The following PADI4 variants were observed in gnomAD, a reference collection of about 807,000 sequenced individuals.
The protein encoded by PADI4 is peptidyl arginine deiminase 4.
Under a neutral mutation model 75.0 loss-of-function variants are expected in PADI4, and 62 were observed. That is an observed-to-expected ratio of 0.83 (90% CI 0.67 to 1.02). PADI4 has a LOEUF of 1.02. Ranked by LOEUF, PADI4 falls within the 50% of genes least tolerant of loss-of-function variation. The pLI is 0.00. For synonymous variants in PADI4, 361 were observed against 348.1 expected (o/e 1.04, Z -0.41); for missense variants, 845 against 850.5 (o/e 0.99, Z 0.08).
At chr1:17,324,060 T>A (rs1370831694) in intron 1 of PADI4, among the ~76,000 whole-genome samples, 1 of 151,938 alleles carries the variant, frequency 6.6e-6, no homozygotes, top group Non-Finnish European at 1.5e-5. Flanking sequence ...ACATGTCTCC[T>A]AGTGAACACA....
chr1:17,359,223 A>AACCCCCCCCCCC, intron 14 of PADI4, 57 bp from the exon 15 acceptor site: 1 of 247,872 alleles, frequency 4.0e-6, no homozygotes, highest in Non-Finnish European at 7.7e-6. Flanking sequence ...ACTGTCCCCC[A>AACCCCCCCCCCC]CCCCCACCCC....
intron 13 of PADI4, among the ~76,000 whole-genome samples, chr1:17,357,464 G>T (rs1171790516): frequency 6.6e-6 from 1 of 152,226 alleles, no homozygotes; most frequent in African/African-American, 2.4e-5. Flanking sequence ...ACCACGCCTG[G>T]CTTAAAACAA....
intron 10 of PADI4, among the ~76,000 whole-genome samples, chr1:17,354,038 G>A (rs953291019): frequency 1.3e-5 from 2 of 151,030 alleles, no homozygotes; most frequent in Non-Finnish European, 2.9e-5. Context: ...TCAGGAATCC[G>A]AGACTAGACT....
At chr1:17,361,372 G>A (rs1304723878) in intron 15 of PADI4, among the ~76,000 whole-genome samples, 3 of 152,264 alleles carry the variant, frequency 2.0e-5, no homozygotes, top group South Asian at 4.1e-4. Context: ...AGTCAGCAAC[G>A]CTGAGGGCTG....
At chr1:17,321,804 G>T (rs1428844917) in intron 1 of PADI4, among the ~76,000 whole-genome samples, 1 of 152,198 alleles carries the variant, frequency 6.6e-6, no homozygotes, top group Non-Finnish European at 1.5e-5. Context: ...CAAAGTTAAG[G>T]ACCCGTGTCT....
chr1:17,359,217 T>TCCCCCCCCCCC, intron 14 of PADI4, 63 bp from the exon 15 acceptor site: 2 of 647,816 alleles, frequency 3.1e-6, no homozygotes, highest in Non-Finnish European at 2.6e-6. Flanking sequence ...CCCCACACTG[T>TCCCCCCCCCCC]CCCCCACCCC....
chr1:17,314,010 T>A (rs979857651), intron 1 of PADI4, among the ~76,000 whole-genome samples: 1 of 152,208 alleles, frequency 6.6e-6, no homozygotes, highest in Admixed American at 6.5e-5. Context: ...AGTTCCCAGC[T>A]GGCCCTTACC....
At position 17,358,879 on chromosome 1, in the gene PADI4, A is replaced by G; in HGVS notation, c.1600A>G (p.Thr534Ala). Residue 534 changes from threonine to alanine, a missense_variant, in exon 14 of 16, where the codon ACA becomes GCA. Thr to Ala is a moderately conservative substitution (Grantham distance 58, BLOSUM62 0). Transcript: ENST00000375448. ...QKIKNILSNKTLREHNSFVER... is the reference protein window; with the variant it reads ...QKIKNILSNKALREHNSFVER... ...AATAAAGAACATTCTGTCAAACAAG[A>G]CATTGAGAGAACATAATTCATTTGT... 6.2e-7 allele frequency: 1 copy of G among 1,608,726 alleles called. No homozygotes were observed. Among genetic ancestry groups the G allele is most frequent in the Non-Finnish European group, 8.5e-7 (1 of 1,176,894 alleles).
intron 1 of PADI4, among the ~76,000 whole-genome samples, chr1:17,320,300 A>G (rs78640205): frequency 0.016 from 2,440 of 152,334 alleles, 34 homozygotes; most frequent in Non-Finnish European, 0.024. Context: ...AAGTGGTCCC[A>G]ATCCAGACCC....
rs2074198025 is a variant in PADI4 at position 17,330,889 on chromosome 1, A to G, written c.93-80A>G. On this transcript the variant is annotated intron_variant, in intron 1 of 15. Coordinates refer to ENST00000375448, the MANE Select transcript of PADI4 (RefSeq NM_012387.3). ...CTGACACCTAATATTAACCATCACA[A>G]GGAGAAATGCTGGGAGAGCCATGGC... The G allele has an allele frequency of 1.9e-5, 17 of 903,730 alleles. No homozygotes were observed. In the South Asian group the frequency reaches 3.1e-4, roughly 17 times the overall value. The allele number at this position is 903,730 out of a possible 1,614,324, so 56.0% of individuals were successfully genotyped here. A position where few individuals can be genotyped will look rare whatever the true frequency, so the allele number is the denominator to read the frequency against.
chr1:17,345,870 A>G (rs1172134675), intron 8 of PADI4, among the ~76,000 whole-genome samples, 158 bp from the exon 9 acceptor site: 2 of 152,180 alleles, frequency 1.3e-5, no homozygotes, highest in Non-Finnish European at 2.9e-5. Flanking sequence ...GATGGATTCC[A>G]TGAGCTAATG....
chr1:17,311,518 CCTT>C (rs1233077641), intron 1 of PADI4, among the ~76,000 whole-genome samples: 4 of 139,546 alleles, frequency 2.9e-5, no homozygotes, highest in Admixed American at 1.5e-4. Context: ...CCCAAAGTCT[CCTT>C]CTTCTTTTTT....
At chr1:17,322,492 C>CA (rs925825815) in intron 1 of PADI4, among the ~76,000 whole-genome samples, 4 of 58,970 alleles carry the variant, frequency 6.8e-5, no homozygotes, top group Non-Finnish European at 7.0e-5. Flanking sequence ...CCATCCCCCC[C>CA]CAAAAAAAAA....
Position 17,331,045 on chromosome 1 carries a change from C to G in PADI4, c.169C>G (p.Pro57Ala), listed in dbSNP as rs868374114. 2 of 1,610,230 alleles carry G rather than the reference C, an allele frequency of 1.2e-6. No individual in the cohort carries two copies. The highest frequency in any genetic ancestry group is 1.3e-5 in the African/African-American group (1 of 74,732). Residue 57 changes from proline (P) to alanine (A), a missense_variant, in exon 2 of 16, where the codon CCA (proline) becomes GCA (alanine). Coordinates refer to ENST00000375448, the MANE Select transcript of PADI4 (RefSeq NM_012387.3). ...GGTCGTGGATATTGCCCACGGCCCT[C>G]CAGCCAAGAAGAAATCCACAGGTTC... The part of the protein sequence containing the change: ...GVVVDIAHGP[P>A]AKKKSTGSST...
At chr1:17,360,448 C>T (rs1191675235) in intron 15 of PADI4, among the ~76,000 whole-genome samples, 1 of 152,118 alleles carries the variant, frequency 6.6e-6, no homozygotes, top group African/African-American at 2.4e-5. Context: ...ACATCTGGTT[C>T]CTGTTAGCAT....
chr1:17,348,569 G>A (rs953107274), intron 10 of PADI4, among the ~76,000 whole-genome samples: 10 of 152,178 alleles, frequency 6.6e-5, no homozygotes, highest in African/African-American at 2.4e-4. Flanking sequence ...TGACTAGCCT[G>A]GCAGGTTGAT....
rs772912664 is a variant in PADI4 at position 17,308,313 on chromosome 1, A to G, written c.91A>G (p.Ser31Gly). 1 of 1,612,906 alleles carries G rather than the reference A, an allele frequency of 6.2e-7. No individual in the cohort carries two copies. Among genetic ancestry groups the G allele is most frequent in the Non-Finnish European group, 8.5e-7 (1 of 1,179,018 alleles). ...LGTLTQLDIC[S>G]SAPEDCTSFS... ...CACCTTGACTCAGCTTGACATCTGC[A>G]GGTAAGAGGGGGGCCTTCTGGGGTT... The change falls in exon 1 of 16, where the codon AGC becomes GGC. Residue 31 changes from serine (S) to glycine (G), a missense_variant and splice_region_variant. Transcript: ENST00000375448.
chr1:17,355,743 T>C (rs1472618176), intron 11 of PADI4, among the ~76,000 whole-genome samples: 1 of 152,226 alleles, frequency 6.6e-6, no homozygotes, highest in African/African-American at 2.4e-5. Context: ...CAGTGCTTTC[T>C]GAGGCTAAGC....
chr1:17,315,541 C>G (rs1418005105), intron 1 of PADI4, among the ~76,000 whole-genome samples: 1 of 150,480 alleles, frequency 6.6e-6, no homozygotes, highest in African/African-American at 2.5e-5. Flanking sequence ...AAACATTCCA[C>G]CATCCTGACA....
Sources: allele counts gnomAD v4.1 joint callset (sites outside exome capture counted in the v4.1 genomes callset), GRCh38; gene constraint gnomAD v4.1.1; transcripts MANE v1.5; gene names NCBI Gene and HGNC (gene_info 2026-07-23, HGNC 2026-07-21).